Variants in TENM3 observed in about 807,000 individuals in gnomAD.
TENM3 encodes the protein teneurin transmembrane protein 3.
Under a neutral mutation model 255.1 loss-of-function variants are expected in TENM3, and 63 were observed. The ratio of observed to expected loss-of-function variants is 0.25; its 90% CI spans 0.20 to 0.30. The LOEUF (loss-of-function observed/expected upper bound fraction) is 0.30. TENM3 is among the 10% of genes least tolerant of loss of function. TENM3 has a pLI of 1.00. For missense variants in TENM3, 2,929 were observed against 3,461.1 expected, an observed-to-expected ratio of 0.85 and a Z score of 3.86; for synonymous variants, 1,306 against 1,322.3, an observed-to-expected ratio of 0.99 and a Z score of 0.27.
At chr4:181,581,907 A>G in the TENM3 span, among the ~76,000 whole-genome samples, 1 of 151,638 alleles carries the variant, frequency 6.6e-6, no homozygotes, top group African/African-American at 2.4e-5. Context: ...TAATTTTTGT[A>G]TTTTTAGTAG....
the TENM3 span, among the ~76,000 whole-genome samples, chr4:181,627,505 G>A: frequency 6.6e-6 from 1 of 152,002 alleles, no homozygotes; most frequent in East Asian, 1.9e-4. Flanking sequence ...CCCATGACAG[G>A]CCCCAGTGTG....
intron 12 of TENM3, among the ~76,000 whole-genome samples, chr4:182,705,036 T>G (rs979956437): frequency 1.3e-5 from 2 of 152,224 alleles, no homozygotes; most frequent in Non-Finnish European, 2.9e-5. Flanking sequence ...ACTGTCATAA[T>G]CCTTTATGGT....
intron 24 of TENM3, among the ~76,000 whole-genome samples, chr4:182,785,723 A>G (rs935379236): frequency 6.6e-6 from 1 of 150,838 alleles, no homozygotes; most frequent in Non-Finnish European, 1.5e-5. Context: ...AAAAAAAAAA[A>G]AAAAAAAAAA....
At chr4:182,796,889 A>G (rs1213980717) in intron 27 of TENM3, 122 bp downstream of exon 27, 2 of 722,540 alleles carry the variant, frequency 2.8e-6, no homozygotes, top group Non-Finnish European at 4.1e-6. Flanking sequence ...TGACTGTTTT[A>G]GGGAAAAAAA....
At chr4:181,627,498 A>G in the TENM3 span, among the ~76,000 whole-genome samples, 1 of 151,916 alleles carries the variant, frequency 6.6e-6, no homozygotes, top group Non-Finnish European at 1.5e-5. Context: ...CCCCCACCCC[A>G]TGACAGGCCC....
chr4:181,738,007 T>C, the TENM3 span, among the ~76,000 whole-genome samples: 1 of 151,396 alleles, frequency 6.6e-6, no homozygotes, highest in African/African-American at 2.4e-5. Flanking sequence ...GCTGGAAAAA[T>C]ATGTGAAGGG....
the TENM3 span, among the ~76,000 whole-genome samples, chr4:181,912,908 TAG>T: frequency 1.3e-5 from 2 of 151,952 alleles, no homozygotes; most frequent in East Asian, 3.9e-4. Flanking sequence ...GAGTTTGAAG[TAG>T]AGTTACAGCA....
At chr4:181,493,131 T>A in the TENM3 span, among the ~76,000 whole-genome samples, 1 of 151,812 alleles carries the variant, frequency 6.6e-6, no homozygotes, top group Non-Finnish European at 1.5e-5. Flanking sequence ...AACTCATGCA[T>A]CAAAACAGCC....
At chr4:182,238,967 A>C (rs1444303466), upstream of TENM3, among the ~76,000 whole-genome samples, 1 of 152,042 alleles carries the variant, frequency 6.6e-6, no homozygotes, top group East Asian at 1.9e-4. Context: ...TCTTTCTTCT[A>C]GATAAATGTT....
chr4:181,990,323 T>G, the TENM3 span, among the ~76,000 whole-genome samples: 1 of 152,120 alleles, frequency 6.6e-6, no homozygotes, highest in Non-Finnish European at 1.5e-5. Flanking sequence ...AAGCTCAGAG[T>G]GACCATGGAT....
intron 3 of TENM3, among the ~76,000 whole-genome samples, chr4:182,598,229 T>C (rs1747472327): frequency 6.6e-6 from 1 of 152,206 alleles, no homozygotes; most frequent in South Asian, 2.1e-4. Flanking sequence ...ATCCACCCTA[T>C]ATCATTCAGA....
At chr4:181,721,837 G>A in the TENM3 span, among the ~76,000 whole-genome samples, 2,275 of 151,728 alleles carry the variant, frequency 0.015, 68 homozygotes, top group African/African-American at 0.053. Flanking sequence ...TAGACTATGG[G>A]GTAGATGGTG....
chr4:182,029,506 G>GA, the TENM3 span, among the ~76,000 whole-genome samples: 2 of 150,994 alleles, frequency 1.3e-5, no homozygotes, highest in Non-Finnish European at 3.0e-5. Context: ...TATGTATGTG[G>GA]GTCATCCAAC....
At chr4:181,766,644 GA>G in the TENM3 span, among the ~76,000 whole-genome samples, 1 of 150,582 alleles carries the variant, frequency 6.6e-6, no homozygotes, top group Non-Finnish European at 1.5e-5. Flanking sequence ...AGAAGTCAAA[GA>G]AAAAGGATTC....
intron 3 of TENM3, among the ~76,000 whole-genome samples, chr4:182,411,524 C>A (rs994906196): frequency 1.3e-5 from 2 of 152,154 alleles, no homozygotes; most frequent in African/African-American, 4.8e-5. Context: ...AAAATGCAAA[C>A]TCCTGGCTCC....
the TENM3 span, among the ~76,000 whole-genome samples, chr4:181,485,761 A>G: frequency 6.6e-6 from 1 of 152,208 alleles, no homozygotes; most frequent in Non-Finnish European, 1.5e-5. Flanking sequence ...AATGTTGATC[A>G]ACAGGGAATT....
chr4:181,658,692 T>C, the TENM3 span, among the ~76,000 whole-genome samples: 1 of 152,224 alleles, frequency 6.6e-6, no homozygotes, highest in East Asian at 1.9e-4. Context: ...CCAGGCACTT[T>C]ACCTAGCACC....
the TENM3 span, chr4:181,906,075 T>G: frequency 5.9e-6 from 2 of 340,014 alleles, no homozygotes; most frequent in South Asian, 6.2e-5. Context: ...TAAATAACTT[T>G]CCGTAGTAAT....
chr4:182,049,684 G>A, the TENM3 span, among the ~76,000 whole-genome samples: 1 of 152,204 alleles, frequency 6.6e-6, no homozygotes, highest in Non-Finnish European at 1.5e-5. Context: ...GGAGAGATCT[G>A]ATTACCGTTT....
Sources: allele counts gnomAD v4.1 joint callset (sites outside exome capture counted in the v4.1 genomes callset), GRCh38; gene constraint gnomAD v4.1.1; transcripts MANE v1.5; gene names NCBI Gene and HGNC (gene_info 2026-07-23, HGNC 2026-07-21).